FGFBP1: variants seen among roughly 807,000 people sequenced by gnomAD.
FGFBP1 encodes the protein fibroblast growth factor binding protein 1.
Under a neutral mutation model 14.6 loss-of-function variants are expected in FGFBP1, and 12 were observed. The ratio of observed to expected loss-of-function variants is 0.82; its 90% CI spans 0.53 to 1.33. The LOEUF (loss-of-function observed/expected upper bound fraction) is 1.33. Among genes scored for constraint, FGFBP1 ranks in the 40% most tolerant of loss-of-function variants. The pLI is 0.00. For missense variants in FGFBP1, 317 were observed against 271.8 expected, an observed-to-expected ratio of 1.17 and a Z score of -1.17; for synonymous variants, 117 against 105.0, an observed-to-expected ratio of 1.11 and a Z score of -0.70.
chr4:15,936,467 T>A lies in FGFBP1; in HGVS notation c.166A>T (p.Asn56Tyr). 6.2e-7 allele frequency: 1 copy of A among 1,614,178 alleles called. No homozygotes were observed. The highest frequency in any genetic ancestry group is 8.5e-7 in the Non-Finnish European group (1 of 1,180,032). Residue 56 changes from asparagine to tyrosine, a missense_variant, in exon 3 of 3, where the codon AAC (asparagine) becomes TAC (tyrosine). By Grantham distance (143) the Asn-to-Tyr change is moderately radical. Transcript: ENST00000382333. ...TQIKQKSRPG[N>Y]KGKFVTKDQA... is the part of the protein sequence containing the mutation. ...TCTTTGGTGACAAACTTGCCTTTGTTCCCGGGCCTGCTTTTCTGCTTAATC... is the reference window on the plus strand; with the variant it reads ...TCTTTGGTGACAAACTTGCCTTTGTACCCGGGCCTGCTTTTCTGCTTAATC...
rs1363898942 is a variant in FGFBP1 at position 15,936,010 on chromosome 4, T to G, written c.623A>C (p.Lys208Thr). The change falls in exon 3 of 3, where the codon AAG (lysine) becomes ACG (threonine). Residue 208 changes from lysine to threonine, a missense_variant. Transcript: ENST00000382333. ...CTCTCCACAGAACTCCAGGGCAGTC[T>G]TCCTCTGGTTTGCCATATCTGGGTC... ...VEDPDMANQRKTALEFCGETW... is the reference protein window; with the variant it reads ...VEDPDMANQRTTALEFCGETW... The G allele has an allele frequency of 6.2e-7, 1 of 1,614,144 alleles. No homozygotes were observed. Among genetic ancestry groups the G allele is most frequent in the South Asian group, 1.1e-5 (1 of 91,076 alleles).
rs757557546 is a variant in FGFBP1 at position 15,936,220 on chromosome 4, A to C, written c.413T>G (p.Val138Gly). The change falls in exon 3 of 3, where the codon GTG becomes GGG. Residue 138 changes from valine (V) to glycine (G), a missense_variant. Transcript: ENST00000382333. ...RYSKTAVKTR[V>G]CRKDFPESSL... The stretch of plus-strand genomic sequence containing the variant: ...GGATTCTGGAAAATCCTTTCTGCAC[A>C]CTCTGGTTTTCACAGCTGTCTTGGA... 1.1e-5 allele frequency: 18 copies of C among 1,614,028 alleles called. No homozygotes were observed. Among genetic ancestry groups the C allele is most frequent in the Non-Finnish European group, 1.4e-5 (16 of 1,180,000 alleles).
Position 15,936,086 on chromosome 4 carries a change from T to C in FGFBP1, c.547A>G (p.Ser183Gly), listed in dbSNP as rs1712470410. The C allele has an allele frequency of 1.2e-6, 2 of 1,614,128 alleles. No homozygotes were observed. Among genetic ancestry groups the C allele is most frequent in the Non-Finnish European group, 8.5e-7 (1 of 1,179,980 alleles). ...GCCATGGTCTGGGTCACTGCTAGGC[T>C]AGAGGGGGTGGTCTCTTTGCCTTTG... ...HIKGKETTPS[S>G]LAVTQTMATK... Residue 183 changes from serine (S) to glycine (G), a missense_variant, in exon 3 of 3, where the codon AGC becomes GGC. Ser to Gly is a moderately conservative substitution (Grantham distance 56). Transcript: ENST00000382333.
rs547769399 is a variant in FGFBP1, at chr4:15,937,908, T to C, written c.-21+343A>G. Among the ~76,000 whole-genome samples the C allele has an allele frequency of 6.6e-5, 10 of 152,280 alleles. 1 individual carries two copies. In the South Asian group the frequency reaches 1.5e-3, roughly 22 times the overall value. On this transcript the variant is annotated intron_variant, in intron 2 of 2. Coordinates refer to ENST00000382333, the MANE Select transcript of FGFBP1 (RefSeq NM_005130.5). Reference sequence around the variant, plus strand: ...CAATTTAGTTTCATATAACACATAATGATAAGATGATTTGTATTATTTGTG... The same window carrying C: ...CAATTTAGTTTCATATAACACATAACGATAAGATGATTTGTATTATTTGTG...
At position 15,936,554 on chromosome 4, in the gene FGFBP1, C is replaced by T. The variant is rs928036574; in HGVS notation, c.79G>A (p.Val27Met). 1.9e-6 allele frequency: 3 copies of T among 1,607,440 alleles called. No homozygotes were observed. The highest frequency in any genetic ancestry group is 1.3e-5 in the African/African-American group (1 of 74,750). The change falls in exon 3 of 3, where the codon GTG becomes ATG. Residue 27 changes from valine to methionine, a missense_variant. Physicochemically the swap from Val to Met is conservative, Grantham distance 21 (BLOSUM62 1). Transcript: ENST00000382333. ...ACTTTGCTGTGAAGTCCATTCTTCA[C>T]TTTTTTTTTCCCCTCCACCAGGAGC... ...QVLLVEGKKK[V>M]KNGLHSKVVS...
rs1315368954 is a variant in FGFBP1 at position 15,936,449 on chromosome 4, T to G, written c.184A>C (p.Thr62Pro). The change falls in exon 3 of 3, where the codon ACC (threonine) becomes CCC (proline). Residue 62 changes from threonine to proline, a missense_variant. Transcript: ENST00000382333. ...SRPGNKGKFV[T>P]KDQANCRWAA... ...CATCTGCAGTTGGCTTGGTCTTTGGTGACAAACTTGCCTTTGTTCCCGGGC... is the reference window on the plus strand; with the variant it reads ...CATCTGCAGTTGGCTTGGTCTTTGGGGACAAACTTGCCTTTGTTCCCGGGC... The G allele has an allele frequency of 6.2e-7, 1 of 1,614,220 alleles. No homozygotes were observed. The highest frequency in any genetic ancestry group is 1.1e-5 in the South Asian group (1 of 91,088).
Position 15,936,371 on chromosome 4 carries a change from A to ATTG in FGFBP1, c.259_261dup (p.Gln87dup), listed in dbSNP as rs1712487403. 1.2e-6 allele frequency: 2 copies of ATTG among 1,614,196 alleles called. No homozygotes were observed. The highest frequency in any genetic ancestry group is 4.5e-5 in the East Asian group (2 of 44,892). On this transcript the variant is annotated inframe_insertion, in exon 3 of 3. Coordinates refer to ENST00000382333, the MANE Select transcript of FGFBP1 (RefSeq NM_005130.5). ...AAGACACAGGAAAATTCATGGTCCA[A>ATTG]TTGAGTGCACTCAACCTTGAGAGAG...
At chr4:15,937,669 G>A (rs1712530582) in intron 2 of FGFBP1, among the ~76,000 whole-genome samples, 1 of 152,146 alleles carries the variant, frequency 6.6e-6, no homozygotes, top group Admixed American at 6.5e-5. Context: ...CTATTAATAT[G>A]TCATCCCAGG....
Position 15,935,922 on chromosome 4 carries a change from ACCT to A in FGFBP1, c.*3_*5del. 1 of 1,566,650 alleles carries A rather than the reference ACCT, an allele frequency of 6.4e-7. No homozygotes were observed. Among genetic ancestry groups the A allele is most frequent in the East Asian group, 2.2e-5 (1 of 44,456 alleles). On this transcript the variant is annotated 3_prime_UTR_variant, in exon 3 of 3. Coordinates refer to ENST00000382333, the MANE Select transcript of FGFBP1 (RefSeq NM_005130.5). ...TCTTAAGGGAACCCGTTCTCTTTTG[ACCT>A]CATTAGCATGACGTGTCCTGCACTA...
chr4:15,936,513 C>T lies in FGFBP1; in HGVS notation c.120G>A (p.Lys40=), dbSNP rs1712497730. 6.2e-7 allele frequency: 1 copy of T among 1,614,016 alleles called. No individual in the cohort carries two copies. Among genetic ancestry groups the T allele is most frequent in the Admixed American group, 1.7e-5 (1 of 59,996 alleles). The part of the protein sequence containing the change: ...GLHSKVVSEQ[K]DTLGNTQIKQ... ...TAATCTGGGTGTTGCCCAGAGTGTCCTTTTGTTCTGAGACCACTTTGCTGT... is the reference window on the plus strand; with the variant it reads ...TAATCTGGGTGTTGCCCAGAGTGTCTTTTTGTTCTGAGACCACTTTGCTGT... Residue 40 remains lysine (K), a synonymous_variant, in exon 3 of 3, where the codon AAG becomes AAA. Transcript: ENST00000382333.
chr4:15,935,814 G>C lies in FGFBP1; in HGVS notation c.*114C>G, dbSNP rs2148945376. 1 of 629,236 alleles carries C rather than the reference G, an allele frequency of 1.6e-6. No homozygotes were observed. The highest frequency in any genetic ancestry group is 3.6e-5 in the South Asian group (1 of 27,426). The allele number at this position is 629,236 out of a possible 1,614,324, so 39.0% of individuals were successfully genotyped here. Reference sequence around the variant, plus strand: ...ACAAAACTTGTTTAAATATTTCGTTGCACTCACTAAGCACAAAAGTTCATA... The same window carrying C: ...ACAAAACTTGTTTAAATATTTCGTTCCACTCACTAAGCACAAAAGTTCATA... On this transcript the variant is annotated 3_prime_UTR_variant, in exon 3 of 3. Transcript: ENST00000382333.
rs751290789 is a variant in FGFBP1 at position 15,935,910 on chromosome 4, C to T, written c.*18G>A. The T allele has an allele frequency of 2.7e-6, 4 of 1,499,616 alleles. No individual in the cohort carries two copies. The highest frequency in any genetic ancestry group is 3.6e-6 in the Non-Finnish European group (4 of 1,102,062). The allele number at this position is 1,499,616 out of a possible 1,614,324, so 92.9% of individuals were successfully genotyped here. On this transcript the variant is annotated 3_prime_UTR_variant, in exon 3 of 3. Coordinates refer to ENST00000382333, the MANE Select transcript of FGFBP1 (RefSeq NM_005130.5). ...CGACATGACATCTCTTAAGGGAACC[C>T]GTTCTCTTTTGACCTCATTAGCATG... is the stretch of plus-strand genomic sequence containing the variant.
Position 15,936,544 on chromosome 4 carries a change from C to G in FGFBP1, c.89G>C (p.Gly30Ala). ...TTCTGAGACCACTTTGCTGTGAAGT[C>G]CATTCTTCACTTTTTTTTTCCCCTC... ...LVEGKKKVKN[G>A]LHSKVVSEQK... Residue 30 changes from glycine to alanine, a missense_variant, in exon 3 of 3, where the codon GGA becomes GCA. Gly to Ala is a moderately conservative substitution (Grantham distance 60). Coordinates refer to ENST00000382333, the MANE Select transcript of FGFBP1 (RefSeq NM_005130.5). The G allele has an allele frequency of 1.2e-6, 2 of 1,613,910 alleles. No homozygotes were observed. Among genetic ancestry groups the G allele is most frequent in the Non-Finnish European group, 1.7e-6 (2 of 1,179,980 alleles).
Position 15,936,082 on chromosome 4 carries a change from A to G in FGFBP1, c.551T>C (p.Leu184Pro). The change falls in exon 3 of 3, where the codon CTA becomes CCA. Residue 184 changes from leucine (L) to proline (P), a missense_variant. Transcript: ENST00000382333. ...GGTGGCCATGGTCTGGGTCACTGCT[A>G]GGCTAGAGGGGGTGGTCTCTTTGCC... ...IKGKETTPSS[L>P]AVTQTMATKA... 6.2e-7 allele frequency: 1 copy of G among 1,614,092 alleles called. No homozygotes were observed. The highest frequency in any genetic ancestry group is 8.5e-7 in the Non-Finnish European group (1 of 1,179,982).
Position 15,938,335 on chromosome 4 carries a change from G to T in FGFBP1, c.-105C>A, listed in dbSNP as rs749622856. 1 of 152,374 alleles carries T rather than the reference G, an allele frequency of 6.6e-6. No individual in the cohort carries two copies. The highest frequency in any genetic ancestry group is 2.4e-5 in the African/African-American group (1 of 41,444). 9.4% of individuals were successfully genotyped at this position (152,374 alleles called of 1,614,324 possible). A position where few individuals can be genotyped will look rare whatever the true frequency, so the allele number is the denominator to read the frequency against. ...CAGCTGTGTCAGGTAGAGTGCAAGG[G>T]GGGTAGACTATTCAACAGGAGCCAG... On this transcript the variant is annotated 5_prime_UTR_variant, in exon 2 of 3. Coordinates refer to ENST00000382333, the MANE Select transcript of FGFBP1 (RefSeq NM_005130.5).
chr4:15,936,272 G>T lies in FGFBP1; in HGVS notation c.361C>A (p.Arg121Ser), dbSNP rs187187014. The stretch of plus-strand genomic sequence containing the variant: ...TATCTACAGATGTCTTTCTGTGAGC[G>T]CAGATTCCGGGCAACTTGTTTCCAA... The part of the protein sequence containing the change: ...VYWKQVARNL[R>S]SQKDICRYSK... Residue 121 changes from arginine (R) to serine (S), a missense_variant, in exon 3 of 3, where the codon CGC becomes AGC. Arg to Ser is a moderately radical substitution (Grantham distance 110, BLOSUM62 -1). Transcript: ENST00000382333. 7 of 1,614,146 alleles carry T rather than the reference G, an allele frequency of 4.3e-6. No homozygotes were observed. In the African/African-American group the frequency reaches 6.7e-5, roughly 15 times the overall value.
At chr4:15,937,855 G>A (rs1250341866) in intron 2 of FGFBP1, among the ~76,000 whole-genome samples, 1 of 152,098 alleles carries the variant, frequency 6.6e-6, no homozygotes, top group Non-Finnish European at 1.5e-5. Context: ...CATTGCCAAA[G>A]AATAAGAAAA....
rs146859271 is a variant in FGFBP1 at position 15,936,094 on chromosome 4, G to C, written c.539C>G (p.Thr180Ser). 115 of 1,614,116 alleles carry C rather than the reference G, an allele frequency of 7.1e-5. No homozygotes were observed. In the African/African-American group the frequency reaches 1.4e-3, roughly 19 times the overall value. ...PREHIKGKET[T>S]PSSLAVTQTM... Reference sequence around the variant, plus strand: ...CTGGGTCACTGCTAGGCTAGAGGGGGTGGTCTCTTTGCCTTTGATGTGCTC... The same window carrying C: ...CTGGGTCACTGCTAGGCTAGAGGGGCTGGTCTCTTTGCCTTTGATGTGCTC... Residue 180 changes from threonine (T) to serine (S), a missense_variant, in exon 3 of 3, where the codon ACC becomes AGC. Coordinates refer to ENST00000382333, the MANE Select transcript of FGFBP1 (RefSeq NM_005130.5).
Position 15,935,905 on chromosome 4 carries a change from G to T in FGFBP1, c.*23C>A. 1 of 1,481,496 alleles carries T rather than the reference G, an allele frequency of 6.7e-7. No individual in the cohort carries two copies. The highest frequency in any genetic ancestry group is 9.2e-7 in the Non-Finnish European group (1 of 1,087,138). The allele number at this position is 1,481,496 out of a possible 1,614,324, so 91.8% of individuals were successfully genotyped here. A position where few individuals can be genotyped will look rare whatever the true frequency, so the allele number is the denominator to read the frequency against. On this transcript the variant is annotated 3_prime_UTR_variant, in exon 3 of 3. Transcript: ENST00000382333. ...ACTTACGACATGACATCTCTTAAGG[G>T]AACCCGTTCTCTTTTGACCTCATTA...
Sources: gnomAD v4.1 joint callset for allele counts (sites outside exome capture counted in the v4.1 genomes callset) on GRCh38, gnomAD v4.1.1 for gene constraint, MANE v1.5 for transcripts, NCBI Gene and HGNC (gene_info 2026-07-23, HGNC 2026-07-21) for gene names.